The following BCAS3 variants were observed in gnomAD, a reference collection of about 807,000 sequenced individuals.
BCAS3 encodes the protein BCAS4/BCAS3 fusion.
BCAS3 carries 53 observed loss-of-function variants against 116.1 expected under a neutral mutation model. The ratio of observed to expected loss-of-function variants is 0.46; its 90% CI spans 0.37 to 0.57. The LOEUF is 0.57. Ranked by LOEUF, BCAS3 falls within the 20% of genes least tolerant of loss-of-function variation. BCAS3 has a pLI of 0.00. For missense variants in BCAS3, 917 were observed against 1,165.4 expected, an observed-to-expected ratio of 0.79 and a Z score of 3.10; for synonymous variants, 391 against 408.2, an observed-to-expected ratio of 0.96 and a Z score of 0.51.
At position 60,785,622 on chromosome 17, in the gene BCAS3, G is replaced by A. The variant is rs1440426514; in HGVS notation, c.404-22382G>A. Among the ~76,000 whole-genome samples the A allele has an allele frequency of 3.3e-5, 5 of 152,248 alleles. No homozygotes were observed. In the South Asian group the frequency reaches 6.2e-4, roughly 19 times the overall value. ...GCCATATTATGCAATATTATGAAGC[G>A]ATTAAATACTGAGTTAGGTGTATAT... On this transcript the variant is annotated intron_variant, in intron 6 of 23. Coordinates refer to ENST00000407086, the MANE Select transcript of BCAS3 (RefSeq NM_017679.5).
chr17:60,780,363 C>G (rs1204718808), intron 6 of BCAS3, among the ~76,000 whole-genome samples: 3 of 150,868 alleles, frequency 2.0e-5, no homozygotes, highest in African/African-American at 7.3e-5. Flanking sequence ...GGAGCGATCT[C>G]GTGATCTTGT....
chr17:61,128,704 G>T lies in BCAS3; in HGVS notation c.2425+44140G>T. The T allele has an allele frequency of 1.5e-6, 1 of 663,918 alleles. No individual in the cohort carries two copies. Among genetic ancestry groups the T allele is most frequent in the Non-Finnish European group, 1.9e-6 (1 of 536,634 alleles). 41.1% of individuals were successfully genotyped at this position (663,918 alleles called of 1,614,324 possible). A position where few individuals can be genotyped will look rare whatever the true frequency, so the allele number is the denominator to read the frequency against. ...CAAACATCTGGAAACCAGCATATTG[G>T]CAGTCGTCTCACAACATGATTTTGC... On this transcript the variant is annotated intron_variant, in intron 22 of 23. Coordinates refer to ENST00000407086, the MANE Select transcript of BCAS3 (RefSeq NM_017679.5). This position sits in a 1 kb window ranked among gnomAD's most constrained non-coding sequence, Gnocchi z 4.1.
chr17:60,701,006 G>T (rs1215485552), intron 4 of BCAS3, among the ~76,000 whole-genome samples: 1 of 151,912 alleles, frequency 6.6e-6, no homozygotes, highest in Non-Finnish European at 1.5e-5. Flanking sequence ...CACTTTGGGA[G>T]GCTGAGGTGG....
intron 7 of BCAS3, among the ~76,000 whole-genome samples, chr17:60,815,141 G>C (rs970056640): frequency 1.8e-4 from 28 of 152,186 alleles, no homozygotes; most frequent in Admixed American, 1.2e-3. Flanking sequence ...CATGTCCTTT[G>C]TAGGGACATG....
chr17:60,902,846 C>T, intron 11 of BCAS3, 143 bp downstream of exon 11: 1 of 651,102 alleles, frequency 1.5e-6, no homozygotes, highest in Non-Finnish European at 2.6e-6. Flanking sequence ...TAACTAGCTT[C>T]AAGACTGTTA....
intron 11 of BCAS3, among the ~76,000 whole-genome samples, chr17:60,902,930 T>A (rs2057990166): frequency 6.6e-6 from 1 of 152,252 alleles, no homozygotes; most frequent in Admixed American, 6.5e-5. Flanking sequence ...GTGATTTGCA[T>A]CGTTCTGCCT....
At chr17:60,882,217 T>C (rs1212659859) in intron 9 of BCAS3, among the ~76,000 whole-genome samples, 2 of 152,198 alleles carry the variant, frequency 1.3e-5, no homozygotes, top group Non-Finnish European at 2.9e-5. Flanking sequence ...TTCCATGTGT[T>C]TTTTGGCTGC....
Position 61,012,696 on chromosome 17 carries a change from C to A in BCAS3, c.1487-3055C>A, listed in dbSNP as rs1314583959. Among the ~76,000 whole-genome samples, 3 of 152,044 alleles carry A rather than the reference C, an allele frequency of 2.0e-5. No individual in the cohort carries two copies. The highest frequency in any genetic ancestry group is 4.4e-5 in the Non-Finnish European group (3 of 67,952). ...TCAAATGGACTCTACAGCATAAACA[C>A]AGGAGCAGGCTGAGAAGGATAGATC... On this transcript the variant is annotated intron_variant, in intron 15 of 23. Coordinates refer to ENST00000407086, the MANE Select transcript of BCAS3 (RefSeq NM_017679.5). The surrounding 1 kb of genome is among the most constrained non-coding windows in gnomAD (Gnocchi z 4.5).
intron 10 of BCAS3, among the ~76,000 whole-genome samples, chr17:60,890,925 C>T (rs2057101856): frequency 6.6e-6 from 1 of 152,044 alleles, no homozygotes; most frequent in African/African-American, 2.4e-5. Context: ...CTGGAATGTA[C>T]AAAAATCAAG....
In BCAS3 at chr17:61,316,476, G is replaced by T. The variant is rs1235138226; in HGVS notation, c.2426-51851G>T. Among the ~76,000 whole-genome samples the T allele has an allele frequency of 1.3e-5, 2 of 152,094 alleles. No homozygotes were observed. Among genetic ancestry groups the T allele is most frequent in the Non-Finnish European group, 2.9e-5 (2 of 68,032 alleles). On this transcript the variant is annotated intron_variant, in intron 22 of 23. Transcript: ENST00000407086. This position sits in a 1 kb window ranked among gnomAD's most constrained non-coding sequence, Gnocchi z 5.8. ...TGGTCCCTGAGATGTCCCCGGACAT[G>T]CCCCTCACCCAGCACCTCTGCCCTC...
intron 22 of BCAS3, among the ~76,000 whole-genome samples, chr17:61,137,624 C>G (rs964009074): frequency 8.5e-5 from 13 of 152,178 alleles, no homozygotes; most frequent in Admixed American, 6.5e-4. Flanking sequence ...CAAAAGTTAG[C>G]TGGGCGTGGT....
At chr17:60,692,106 A>G (rs1469816906) in intron 4 of BCAS3, among the ~76,000 whole-genome samples, 1 of 152,112 alleles carries the variant, frequency 6.6e-6, no homozygotes, top group African/African-American at 2.4e-5. Flanking sequence ...GGTCATTTCA[A>G]AGTTATTTCC....
chr17:61,155,767 C>T (rs1438910719), intron 22 of BCAS3, among the ~76,000 whole-genome samples: 1 of 152,132 alleles, frequency 6.6e-6, no homozygotes, highest in Non-Finnish European at 1.5e-5. Context: ...GCATTGAGAA[C>T]AAATGTAAAA....
intron 5 of BCAS3, among the ~76,000 whole-genome samples, chr17:60,732,607 G>T (rs1207379370): frequency 1.3e-5 from 2 of 152,146 alleles, no homozygotes; most frequent in Non-Finnish European, 2.9e-5. Context: ...TTGGGAGGCT[G>T]AGGCGGGCAG....
intron 7 of BCAS3, among the ~76,000 whole-genome samples, chr17:60,833,361 G>A (rs6503999): frequency 0.046 from 7,017 of 152,080 alleles, 513 homozygotes; most frequent in African/African-American, 0.16. Context: ...ATTTATTTTG[G>A]CAGTCTTTTA....
intron 22 of BCAS3, among the ~76,000 whole-genome samples, chr17:61,116,341 T>C (rs189182995): frequency 1.1e-4 from 16 of 152,316 alleles, no homozygotes. Context: ...TATTGCATTA[T>C]GTATACCTAA....
chr17:61,004,713 T>C lies in BCAS3; in HGVS notation c.1487-11038T>C, dbSNP rs929355391. Among the ~76,000 whole-genome samples the C allele has an allele frequency of 3.3e-5, 5 of 152,126 alleles. No homozygotes were observed. The highest frequency in any genetic ancestry group is 6.6e-5 in the Admixed American group (1 of 15,256). ...GAAAAGGAAAAGGATTTAAGGTTCA[T>C]TGAAAGAGTTATTAACATTGGATGA... On this transcript the variant is annotated intron_variant, in intron 15 of 23. Coordinates refer to ENST00000407086, the MANE Select transcript of BCAS3 (RefSeq NM_017679.5). This position sits in a 1 kb window ranked among gnomAD's most constrained non-coding sequence, Gnocchi z 4.8.
At chr17:60,742,181 A>T (rs941662036) in intron 5 of BCAS3, among the ~76,000 whole-genome samples, 14 of 152,184 alleles carry the variant, frequency 9.2e-5, no homozygotes, top group African/African-American at 3.4e-4. Context: ...AGTGGAATTC[A>T]CTTGTATCTC....
intron 11 of BCAS3, among the ~76,000 whole-genome samples, chr17:60,910,210 G>A (rs1417522017): frequency 2.6e-5 from 4 of 152,242 alleles, no homozygotes; most frequent in African/African-American, 9.6e-5. Flanking sequence ...ATTAAGAGGA[G>A]GGAATGAAAG....
Sources: gnomAD v4.1 joint callset for allele counts (sites outside exome capture counted in the v4.1 genomes callset) on GRCh38, gnomAD v4.1.1 for gene constraint, Gnocchi (gnomAD v3.1) non-coding constraint, MANE v1.5 for transcripts, NCBI Gene and HGNC (gene_info 2026-07-23, HGNC 2026-07-21) for gene names.